The following ALG12 variants were observed in gnomAD, a reference collection of about 807,000 sequenced individuals.
The protein encoded by ALG12 is dol-P-Man:Man(7)GlcNAc(2)-PP-Dol alpha-1,6-mannosyltransferase.
Under a neutral mutation model 46.0 loss-of-function variants are expected in ALG12, and 36 were observed. The observed-to-expected ratio is 0.78, with a 90% CI of 0.60 to 1.03. ALG12 has a LOEUF of 1.03. Among genes scored for constraint, ALG12 ranks in the 50% least tolerant of loss-of-function variants. The probability of loss-of-function intolerance (pLI) is 0.00; values close to 1 mark genes in which losing one functional copy is unlikely to be tolerated. For missense variants in ALG12, 599 were observed against 633.5 expected, an observed-to-expected ratio of 0.95 and a Z score of 0.58; for synonymous variants, 326 against 291.6, an observed-to-expected ratio of 1.12 and a Z score of -1.20.
rs1601819673 is a variant in ALG12, at chr22:49,905,524, G to A, written c.993-1018C>T. Among the ~76,000 whole-genome samples the A allele has an allele frequency of 1.3e-5, 2 of 152,172 alleles. No individual in the cohort carries two copies. The highest frequency in any genetic ancestry group is 2.4e-5 in the African/African-American group (1 of 41,442). On this transcript the variant is annotated intron_variant, in intron 7 of 9. Transcript: ENST00000330817. The surrounding 1 kb of genome is among the most constrained non-coding windows in gnomAD (Gnocchi z 4.9). ...CCCTCCATGCTGTTCTCCTCATACCGAGTGAGTTCTCGAGAGGTCTGCTTG... is the reference window on the plus strand; with the variant it reads ...CCCTCCATGCTGTTCTCCTCATACCAAGTGAGTTCTCGAGAGGTCTGCTTG...
At chr22:49,871,298 C>G in the ALG12 span, among the ~76,000 whole-genome samples, 2 of 151,850 alleles carry the variant, frequency 1.3e-5, no homozygotes, top group Non-Finnish European at 1.5e-5. Context: ...ACCAGCCTGG[C>G]CAATGTGGTG....
At chr22:49,886,305 G>A in the ALG12 span, 3 of 1,553,476 alleles carry the variant, frequency 1.9e-6, no homozygotes, top group East Asian at 2.3e-5. This position sits in a 1 kb window ranked among gnomAD's most constrained non-coding sequence, Gnocchi z 7.7. Context: ...CGCTGCCTCA[G>A]CATCACCTCA....
At chr22:49,877,716 A>G in the ALG12 span, among the ~76,000 whole-genome samples, 24 of 152,244 alleles carry the variant, frequency 1.6e-4, no homozygotes, top group South Asian at 4.6e-3. Context: ...ACATTTGCAT[A>G]TGAATCTTCA....
chr22:49,861,578 C>T, the ALG12 span, among the ~76,000 whole-genome samples: 5 of 152,136 alleles, frequency 3.3e-5, no homozygotes, highest in East Asian at 1.9e-4. Flanking sequence ...GGACTACAGG[C>T]GCATGCCACC....
At chr22:49,885,917 C>A in the ALG12 span, 1 of 946,658 alleles carries the variant, frequency 1.1e-6, no homozygotes, top group Non-Finnish European at 1.7e-6. Flanking sequence ...CACTGGGTTT[C>A]CTTCGAGTCG....
downstream of ALG12, among the ~76,000 whole-genome samples, chr22:49,896,023 T>C (rs1034193109): frequency 1.2e-4 from 18 of 152,226 alleles, no homozygotes; most frequent in Admixed American, 2.6e-4. Context: ...GTGTCCCTGC[T>C]GGGTCTCCGC....
chr22:49,869,265 T>G, the ALG12 span, among the ~76,000 whole-genome samples: 4 of 152,182 alleles, frequency 2.6e-5, no homozygotes, highest in Non-Finnish European at 5.9e-5. Context: ...TGTGTGTGTT[T>G]ATGGGTTCTA....
chr22:49,913,844 C>G lies in ALG12; in HGVS notation c.-78-1G>C. 6.3e-7 allele frequency: 1 copy of G among 1,584,774 alleles called. No individual in the cohort carries two copies. The highest frequency in any genetic ancestry group is 8.6e-7 in the Non-Finnish European group (1 of 1,161,562). Reference sequence around the variant, plus strand: ...CGTTAGCACTGCCACTCCACGCATGCTGGAAAAGTGGAAACAGATTCCTGA... The same window carrying G: ...CGTTAGCACTGCCACTCCACGCATGGTGGAAAAGTGGAAACAGATTCCTGA... On this transcript the variant is annotated splice_acceptor_variant, in intron 1 of 9. Coordinates refer to ENST00000330817, the MANE Select transcript of ALG12 (RefSeq NM_024105.4). LOFTEE classifies it low-confidence loss of function (5UTR_SPLICE).
the ALG12 span, chr22:49,885,178 C>T: frequency 6.2e-7 from 1 of 1,614,034 alleles, no homozygotes; most frequent in Non-Finnish European, 8.5e-7. Flanking sequence ...CCGGCGCCAT[C>T]CAGAAGTTGT....
the ALG12 span, chr22:49,885,384 C>T: frequency 6.3e-7 from 1 of 1,596,984 alleles, no homozygotes; most frequent in Non-Finnish European, 8.6e-7. Context: ...CCGCAGACTC[C>T]ACAAAAGTCG....
chr22:49,909,164 G>T, intron 6 of ALG12, 80 bp downstream of exon 6: 1 of 1,405,102 alleles, frequency 7.1e-7, no homozygotes, highest in Non-Finnish European at 1.0e-6. Context: ...AGAAGCAGCT[G>T]CTTCCACTGC....
At chr22:49,886,615 C>T in the ALG12 span, 2 of 1,577,226 alleles carry the variant, frequency 1.3e-6, no homozygotes, top group Non-Finnish European at 1.7e-6. This position sits in a 1 kb window ranked among gnomAD's most constrained non-coding sequence, Gnocchi z 7.7. Flanking sequence ...GCTGCGCTCT[C>T]TGAAGGAGGC....
the ALG12 span, among the ~76,000 whole-genome samples, chr22:49,879,544 C>T: frequency 1.3e-5 from 2 of 150,506 alleles, no homozygotes; most frequent in African/African-American, 2.4e-5. Flanking sequence ...TATTATTTGT[C>T]TTATGTCCGG....
intron 1 of ALG12, among the ~76,000 whole-genome samples, chr22:49,914,890 G>GC (rs1254183950): frequency 3.9e-5 from 6 of 152,204 alleles, no homozygotes; most frequent in Non-Finnish European, 8.8e-5. Context: ...ACCACACTCA[G>GC]CTAAGTTTTC....
At chr22:49,886,593 C>T in the ALG12 span, 5 of 1,558,928 alleles carry the variant, frequency 3.2e-6, no homozygotes, top group Non-Finnish European at 3.5e-6. The surrounding 1 kb of genome is among the most constrained non-coding windows in gnomAD (Gnocchi z 7.7). Flanking sequence ...AGACGATGGG[C>T]ATCGACACCA....
chr22:49,883,335 T>C, the ALG12 span: 1 of 200,326 alleles, frequency 5.0e-6, no homozygotes, highest in East Asian at 1.1e-4. Context: ...CTCTTATAGG[T>C]AATGCACAAG....
At chr22:49,899,504 A>G (rs2060495504), downstream of ALG12, among the ~76,000 whole-genome samples, 1 of 151,658 alleles carries the variant, frequency 6.6e-6, no homozygotes, top group South Asian at 2.1e-4. Flanking sequence ...GATTGAAACG[A>G]CACTGAACCA....
At chr22:49,897,671 T>A (rs1330857453), downstream of ALG12, among the ~76,000 whole-genome samples, 1 of 145,728 alleles carries the variant, frequency 6.9e-6, no homozygotes, top group South Asian at 2.2e-4. Flanking sequence ...TTCTTTTTTT[T>A]TTTTTTTTTT....
chr22:49,898,601 G>A (rs1164701789), downstream of ALG12, among the ~76,000 whole-genome samples: 1 of 151,834 alleles, frequency 6.6e-6, no homozygotes, highest in Non-Finnish European at 1.5e-5. Context: ...TGTTGGCCAG[G>A]CTGATCTTGA....
Sources: gnomAD v4.1 joint callset for allele counts (sites outside exome capture counted in the v4.1 genomes callset) on GRCh38, gnomAD v4.1.1 for gene constraint, Gnocchi (gnomAD v3.1) non-coding constraint, MANE v1.5 for transcripts, NCBI Gene and HGNC (gene_info 2026-07-23, HGNC 2026-07-21) for gene names.